TENT2: variants seen among roughly 807,000 people sequenced by gnomAD.
The protein encoded by TENT2 is terminal nucleotidyltransferase 2, also known as poly(A) RNA polymerase GLD2.
Under a neutral mutation model 72.2 loss-of-function variants are expected in TENT2, and 44 were observed. That is an observed-to-expected ratio of 0.61 (90% CI 0.48 to 0.78). The LOEUF is 0.78. TENT2 is among the 30% of genes least tolerant of loss of function. The pLI, the probability that TENT2 is intolerant of heterozygous loss-of-function variation, is 0.00. For synonymous variants in TENT2, 212 were observed against 192.5 expected (o/e 1.10, Z -0.84); for missense variants, 541 against 569.6 (o/e 0.95, Z 0.51).
chr5:79,633,313 GT>G (rs1338027639), intron 4 of TENT2, among the ~76,000 whole-genome samples: 1 of 150,376 alleles, frequency 6.6e-6, no homozygotes, highest in African/African-American at 2.4e-5. Context: ...CTGGACCATA[GT>G]TTAATTTTAT....
intron 14 of TENT2, among the ~76,000 whole-genome samples, chr5:79,684,348 C>T (rs1212074327): frequency 6.6e-6 from 1 of 152,170 alleles, no homozygotes; most frequent in African/African-American, 2.4e-5. Flanking sequence ...GCCTCAATCT[C>T]CTGCGCTCAA....
At chr5:79,682,447 T>A (rs1257526989) in intron 14 of TENT2, among the ~76,000 whole-genome samples, 1 of 131,362 alleles carries the variant, frequency 7.6e-6, no homozygotes, top group African/African-American at 2.8e-5. Flanking sequence ...ACCCAGCTAA[T>A]TTTTTTTTTT....
chr5:79,680,092 T>C (rs969726153), intron 13 of TENT2, among the ~76,000 whole-genome samples: 3 of 152,206 alleles, frequency 2.0e-5, no homozygotes, highest in African/African-American at 7.2e-5. Context: ...GAAGAAATTT[T>C]CTTCTCTAAA....
intron 4 of TENT2, among the ~76,000 whole-genome samples, chr5:79,639,618 A>G (rs1051900519): frequency 2.6e-5 from 4 of 152,158 alleles, no homozygotes; most frequent in Non-Finnish European, 5.9e-5. Context: ...AGGGAAAGAA[A>G]TAACACCATT....
At chr5:79,637,497 G>T (rs1389580303) in intron 4 of TENT2, among the ~76,000 whole-genome samples, 1 of 152,058 alleles carries the variant, frequency 6.6e-6, no homozygotes, top group Non-Finnish European at 1.5e-5. Flanking sequence ...TGTGATCATG[G>T]CTCACTGCAA....
At position 79,658,662 on chromosome 5, in the gene TENT2, C is replaced by T. The variant is rs186906120; in HGVS notation, c.1071+1661C>T. ...TTAGCAAAGGAGCTAATAAACTTAT[C>T]CCAAAATAATATTGTGTATTGAAAA... On this transcript the variant is annotated intron_variant, in intron 11 of 14. Transcript: ENST00000453514. 9.2e-5 allele frequency among the ~76,000 whole-genome samples: 14 copies of T among 152,292 alleles called. No homozygotes were observed. The East Asian group carries it at 2.7e-3, about 29-fold the overall frequency.
In TENT2 at chr5:79,620,003, A is replaced by C. The variant is rs747513506; in HGVS notation, c.147A>C (p.Arg49Ser). 52 of 1,608,618 alleles carry C rather than the reference A, an allele frequency of 3.2e-5. No individual in the cohort carries two copies. Among genetic ancestry groups the C allele is most frequent in the Non-Finnish European group, 5.1e-6 (6 of 1,176,712 alleles). ...TCTTTGATTTTGTTAGCTTGTCTAG[A>C]GCTGTGTCATTACAGCAGCTGACAT... Reference protein sequence around the residue: ...QFNFQNADLSRAVSLQQLTYG... With the variant: ...QFNFQNADLSSAVSLQQLTYG... Residue 49 changes from arginine to serine, a missense_variant, in exon 3 of 15, where the codon AGA (arginine) becomes AGC (serine). Arg to Ser is a moderately radical substitution (Grantham distance 110, BLOSUM62 -1). Coordinates refer to ENST00000453514, the MANE Select transcript of TENT2 (RefSeq NM_001114394.3).
At chr5:79,628,087 A>G (rs1288348902) in intron 4 of TENT2, among the ~76,000 whole-genome samples, 1 of 152,122 alleles carries the variant, frequency 6.6e-6, no homozygotes, top group Non-Finnish European at 1.5e-5. Context: ...GAAGGAGGTT[A>G]AGATACTTAA....
intron 4 of TENT2, among the ~76,000 whole-genome samples, chr5:79,626,077 T>TG (rs1339312858): frequency 6.6e-6 from 1 of 152,022 alleles, no homozygotes; most frequent in African/African-American, 2.4e-5. Context: ...TCTACCCACT[T>TG]TGGCTTTTCA....
intron 10 of TENT2, among the ~76,000 whole-genome samples, chr5:79,653,366 A>G (rs894780743): frequency 6.6e-6 from 1 of 151,974 alleles, no homozygotes; most frequent in Non-Finnish European, 1.5e-5. Context: ...GGTGGCACAT[A>G]TCGTTAGTCC....
chr5:79,665,159 CAGA>C (rs1474283601), intron 11 of TENT2, among the ~76,000 whole-genome samples: 2 of 152,172 alleles, frequency 1.3e-5, no homozygotes, highest in African/African-American at 4.8e-5. Flanking sequence ...TCTTTTCAGG[CAGA>C]AGTATTCCCT....
In TENT2 at chr5:79,613,348, A is replaced by C. The variant is rs560272174; in HGVS notation, c.-38+273A>C. ...TTGTTTAAAGTAGCAGATATTTTTC[A>C]TTAGGGTGAACAGAGAAGAAACAAA... On this transcript the variant is annotated intron_variant, in intron 1 of 14. Transcript: ENST00000453514. 3.9e-5 allele frequency among the ~76,000 whole-genome samples: 6 copies of C among 152,190 alleles called. No individual in the cohort carries two copies. In the South Asian group the frequency reaches 1.2e-3, roughly 31 times the overall value.
intron 11 of TENT2, among the ~76,000 whole-genome samples, chr5:79,665,039 A>C (rs1446589787): frequency 6.6e-6 from 1 of 152,178 alleles, no homozygotes; most frequent in Non-Finnish European, 1.5e-5. Context: ...GATATAATTA[A>C]AGGAAATTTT....
chr5:79,676,194 A>G (rs918669730), intron 12 of TENT2, among the ~76,000 whole-genome samples: 1 of 151,376 alleles, frequency 6.6e-6, no homozygotes, highest in African/African-American at 2.4e-5. Context: ...ACACACAGCC[A>G]TATGGTATCA....
At position 79,682,192 on chromosome 5, in the gene TENT2, T is replaced by G. The variant is rs1822519929; in HGVS notation, c.1380+131T>G. ...CCATTAATATAGCATGATAGAGAAC[T>G]TATTATTTGAATTTAGTTAAACTTT... On this transcript the variant is annotated intron_variant, in intron 14 of 14. Transcript: ENST00000453514. 1.7e-5 allele frequency: 9 copies of G among 517,844 alleles called. No homozygotes were observed. In the South Asian group the frequency reaches 4.0e-4, roughly 23 times the overall value. The allele number at this position is 517,844 out of a possible 1,614,324, so 32.1% of individuals were successfully genotyped here. A position where few individuals can be genotyped will look rare whatever the true frequency, so the allele number is the denominator to read the frequency against.
intron 8 of TENT2, among the ~76,000 whole-genome samples, chr5:79,648,210 A>C (rs1790694255): frequency 6.6e-6 from 1 of 152,018 alleles, no homozygotes; most frequent in African/African-American, 2.4e-5. Flanking sequence ...TGGGAGGCTG[A>C]GGTGGGGGAA....
intron 4 of TENT2, among the ~76,000 whole-genome samples, chr5:79,633,703 A>G (rs1391829136): frequency 6.8e-6 from 1 of 147,094 alleles, no homozygotes; most frequent in Admixed American, 6.8e-5. Context: ...GGCATGAGCC[A>G]CTGTGCCAGG....
At chr5:79,617,969 A>G (rs183122201) in intron 1 of TENT2, among the ~76,000 whole-genome samples, 2 of 151,624 alleles carry the variant, frequency 1.3e-5, no homozygotes, top group Non-Finnish European at 2.9e-5. Context: ...CAGTCTGGGG[A>G]TTGGTGTCTT....
chr5:79,670,996 G>T (rs551049862), intron 12 of TENT2, among the ~76,000 whole-genome samples: 1 of 151,742 alleles, frequency 6.6e-6, no homozygotes, highest in Non-Finnish European at 1.5e-5. Flanking sequence ...GGGACTGGGG[G>T]ATGTTTGTGG....
Sources: gnomAD v4.1 joint callset for allele counts (sites outside exome capture counted in the v4.1 genomes callset) on GRCh38, gnomAD v4.1.1 for gene constraint, MANE v1.5 for transcripts, NCBI Gene and HGNC (gene_info 2026-07-23, HGNC 2026-07-21) for gene names.